The following PARD3B variants were observed in gnomAD, a reference collection of about 807,000 sequenced individuals.
PARD3B encodes par-3 family cell polarity regulator beta, also known as partitioning defective 3 homolog B.
In PARD3B, 103 loss-of-function variants were observed where a neutral mutation model predicts 130.2. The ratio of observed to expected loss-of-function variants is 0.79; its 90% CI spans 0.67 to 0.93. PARD3B has a LOEUF of 0.93. PARD3B is among the 40% of genes least tolerant of loss of function. The pLI is 0.00. For synonymous variants in PARD3B, 583 were observed against 553.2 expected, an observed-to-expected ratio of 1.05 and a Z score of -0.76; for missense variants, 1,609 against 1,499.2, an observed-to-expected ratio of 1.07 and a Z score of -1.21.
intron 2 of PARD3B, among the ~76,000 whole-genome samples, chr2:204,892,100 G>T (rs2046471030): frequency 2.6e-5 from 4 of 152,160 alleles, no homozygotes; most frequent in Non-Finnish European, 5.9e-5. Context: ...GGAGCCAGAG[G>T]GGACAAGGTG....
rs141857469 is a variant in PARD3B at position 205,279,221 on chromosome 2, C to A, written c.2186-21309C>A. On this transcript the variant is annotated intron_variant, in intron 16 of 22. Transcript: ENST00000406610. ...GCCAACACATCCTCTCCTTCTACTT[C>A]CAATATTAGTAGCATTTCAGAATTC... is the stretch of plus-strand genomic sequence containing the variant. 1.4e-3 allele frequency among the ~76,000 whole-genome samples: 211 copies of A among 152,166 alleles called. 2 individuals carry two copies. Among genetic ancestry groups the A allele is most frequent in the African/African-American group, 5.0e-3 (207 of 41,530 alleles).
intron 16 of PARD3B, among the ~76,000 whole-genome samples, chr2:205,283,862 G>T (rs2041284983): frequency 1.3e-5 from 2 of 152,088 alleles, no homozygotes; most frequent in Non-Finnish European, 2.9e-5. Context: ...GTAAGCCAGC[G>T]GCCTTTCCAC....
chr2:204,931,513 T>C (rs1688029245), intron 2 of PARD3B, among the ~76,000 whole-genome samples: 1 of 152,080 alleles, frequency 6.6e-6, no homozygotes, highest in Admixed American at 6.6e-5. Context: ...TTAGTTGAGT[T>C]TGGAAAACTT....
intron 4 of PARD3B, chr2:205,048,432 T>C (rs185110617): frequency 1.3e-5 from 2 of 152,326 alleles, no homozygotes; most frequent in East Asian, 3.9e-4. Flanking sequence ...CTCAGTTGCT[T>C]TGAAGAGCTG....
At position 204,930,189 on chromosome 2, in the gene PARD3B, A is replaced by G. The variant is rs570568289; in HGVS notation, c.223-34963A>G. 1.2e-3 allele frequency among the ~76,000 whole-genome samples: 181 copies of G among 150,972 alleles called. 1 individual carries two copies. The highest frequency in any genetic ancestry group is 6.8e-3 in the Middle Eastern group (2 of 294). ...TTTATTCTTAAAAAACCCTGTGTTC[A>G]TTTACATTCTATGTTTTTTTTTTCC... On this transcript the variant is annotated intron_variant, in intron 2 of 22. Transcript: ENST00000406610.
intron 2 of PARD3B, among the ~76,000 whole-genome samples, chr2:204,832,976 CATT>C (rs2043885366): frequency 6.6e-6 from 1 of 152,136 alleles, no homozygotes; most frequent in African/African-American, 2.4e-5. Flanking sequence ...TGTAAGGTAG[CATT>C]ATTATTGTAA....
intron 2 of PARD3B, among the ~76,000 whole-genome samples, chr2:204,766,580 A>G (rs545774030): frequency 6.6e-5 from 10 of 152,088 alleles, no homozygotes; most frequent in Non-Finnish European, 1.3e-4. Context: ...CACAGTCAAA[A>G]TTTTGATTTC....
chr2:204,698,549 G>A (rs954376617), intron 2 of PARD3B, among the ~76,000 whole-genome samples: 1 of 147,094 alleles, frequency 6.8e-6, no homozygotes, highest in African/African-American at 2.5e-5. Context: ...TGTTGATTGG[G>A]TTTTTTTTTT....
chr2:205,240,555 T>C (rs1267870601), intron 15 of PARD3B, among the ~76,000 whole-genome samples: 2 of 152,190 alleles, frequency 1.3e-5, no homozygotes, highest in African/African-American at 4.8e-5. Context: ...CACATTTGCA[T>C]ATTCCCCATT....
intron 1 of PARD3B, among the ~76,000 whole-genome samples, chr2:204,588,062 C>T (rs992754990): frequency 6.6e-6 from 1 of 152,000 alleles, no homozygotes; most frequent in Non-Finnish European, 1.5e-5. Context: ...TTTGTAATAC[C>T]GTGAGGGAGG....
chr2:205,237,458 A>G (rs989705041), intron 15 of PARD3B, among the ~76,000 whole-genome samples: 1 of 152,142 alleles, frequency 6.6e-6, no homozygotes, highest in South Asian at 2.1e-4. Context: ...AGTAAAAGCA[A>G]TTTTTAAAGC....
intron 21 of PARD3B, among the ~76,000 whole-genome samples, chr2:205,512,298 G>A (rs781241506): frequency 3.9e-5 from 6 of 152,082 alleles, no homozygotes; most frequent in Non-Finnish European, 8.8e-5. Flanking sequence ...GAATTTTAGC[G>A]AGGCTAACAG....
chr2:205,550,941 GTATATATATATGTGTA>G lies in PARD3B; in HGVS notation c.3181-2371_3181-2356del, dbSNP rs1294231258. Among the ~76,000 whole-genome samples, 3 of 114,766 alleles carry G rather than the reference GTATATATATATGTGTA, an allele frequency of 2.6e-5. No homozygotes were observed. Among genetic ancestry groups the G allele is most frequent in the South Asian group, 2.9e-4 (1 of 3,390 alleles). 75.3% of individuals were successfully genotyped at this position (114,766 alleles called of 152,430 possible). A position where few individuals can be genotyped will look rare whatever the true frequency, so the allele number is the denominator to read the frequency against. ...TATAATTATGTGTGTGTGTGTGTGT[GTATATATATATGTGTA>G]TATATATATATATATATATACACAC... On this transcript the variant is annotated intron_variant, in intron 21 of 22. Coordinates refer to ENST00000406610, the MANE Select transcript of PARD3B (RefSeq NM_001302769.2). This position sits in a 1 kb window ranked among gnomAD's most constrained non-coding sequence, Gnocchi z 4.5.
intron 4 of PARD3B, among the ~76,000 whole-genome samples, chr2:205,100,748 A>G (rs982219547): frequency 4.6e-5 from 7 of 152,134 alleles, no homozygotes; most frequent in East Asian, 1.9e-4. Flanking sequence ...TAAAAAAACA[A>G]TCTTTTCAAT....
chr2:204,754,183 G>A (rs773544948), intron 2 of PARD3B, among the ~76,000 whole-genome samples: 30 of 152,138 alleles, frequency 2.0e-4, no homozygotes, highest in Non-Finnish European at 3.8e-4. Context: ...ATGGACTTCT[G>A]TATTCTACCA....
intron 3 of PARD3B, among the ~76,000 whole-genome samples, chr2:205,037,986 A>T (rs1162243838): frequency 6.6e-6 from 1 of 152,154 alleles, no homozygotes; most frequent in Non-Finnish European, 1.5e-5. Flanking sequence ...CATTCCAAAG[A>T]AATAGAGATT....
chr2:204,962,211 A>G (rs976034663), intron 2 of PARD3B, among the ~76,000 whole-genome samples: 3 of 152,150 alleles, frequency 2.0e-5, no homozygotes, highest in Admixed American at 6.5e-5. Flanking sequence ...CCAGCACTGC[A>G]GTAGGTGGCA....
At chr2:204,572,028 C>T (rs1052839356) in intron 1 of PARD3B, among the ~76,000 whole-genome samples, 2 of 151,994 alleles carry the variant, frequency 1.3e-5, no homozygotes, top group Admixed American at 1.3e-4. Context: ...TCATTTTCTC[C>T]CCAAGATCAG....
intron 21 of PARD3B, among the ~76,000 whole-genome samples, chr2:205,551,116 A>G (rs932367910): frequency 9.9e-5 from 15 of 151,324 alleles, no homozygotes; most frequent in Non-Finnish European, 1.9e-4. Flanking sequence ...ACGGTGCTGA[A>G]ACTATTAACT....
Sources: gnomAD v4.1 joint callset for allele counts (sites outside exome capture counted in the v4.1 genomes callset) on GRCh38, gnomAD v4.1.1 for gene constraint, Gnocchi (gnomAD v3.1) non-coding constraint, MANE v1.5 for transcripts, NCBI Gene and HGNC (gene_info 2026-07-23, HGNC 2026-07-21) for gene names.